The following CPA6 variants were observed in gnomAD, a reference collection of about 807,000 sequenced individuals.
CPA6 encodes the protein carboxypeptidase A6, also known as carboxypeptidase B.
CPA6 carries 58 observed loss-of-function variants against 63.3 expected under a neutral mutation model. That is an observed-to-expected ratio of 0.92 (90% CI 0.74 to 1.14). CPA6 has a LOEUF of 1.14. CPA6 is among the 50% of genes most tolerant of loss of function. CPA6 has a pLI of 0.00. For missense variants in CPA6, 565 were observed against 526.6 expected (o/e 1.07, Z -0.71); for synonymous variants, 185 against 179.0 (o/e 1.03, Z -0.27).
intron 2 of CPA6, among the ~76,000 whole-genome samples, chr8:67,621,263 T>G (rs1284174897): frequency 1.3e-5 from 2 of 152,240 alleles, no homozygotes; most frequent in Non-Finnish European, 2.9e-5. Context: ...TGTATCCTTT[T>G]GCTGTGACCG....
intron 1 of CPA6, among the ~76,000 whole-genome samples, chr8:67,648,752 T>G (rs1364913274): frequency 6.6e-6 from 1 of 152,210 alleles, no homozygotes; most frequent in African/African-American, 2.4e-5. Flanking sequence ...CAGAAAGCTG[T>G]GGAAAAGTTC....
intron 1 of CPA6, among the ~76,000 whole-genome samples, chr8:67,728,438 T>C (rs1817644961): frequency 6.6e-6 from 1 of 152,200 alleles, no homozygotes; most frequent in Admixed American, 6.5e-5. Context: ...TTAAAAATTA[T>C]TTATAGACAT....
intron 2 of CPA6, among the ~76,000 whole-genome samples, chr8:67,522,673 C>A (rs141801602): frequency 6.6e-6 from 1 of 152,210 alleles, no homozygotes; most frequent in Non-Finnish European, 1.5e-5. Flanking sequence ...ACTCCCTGGG[C>A]GAGAGCTCTA....
intron 2 of CPA6, among the ~76,000 whole-genome samples, chr8:67,553,797 T>C (rs1813002000): frequency 6.6e-6 from 1 of 152,328 alleles, no homozygotes; most frequent in South Asian, 2.1e-4. Flanking sequence ...ATGAATGACT[T>C]GGTCTTAAAA....
chr8:67,622,080 G>A (rs553385767), intron 2 of CPA6, among the ~76,000 whole-genome samples: 23 of 152,296 alleles, frequency 1.5e-4, no homozygotes, highest in Non-Finnish European at 2.8e-4. Flanking sequence ...AAATATAACA[G>A]TGCAAGTTCA....
chr8:67,612,248 G>A (rs1814827206), intron 2 of CPA6, among the ~76,000 whole-genome samples: 1 of 152,122 alleles, frequency 6.6e-6, no homozygotes, highest in South Asian at 2.1e-4. Context: ...CTTCCCACCT[G>A]TTCTCTCCTT....
At position 67,638,911 on chromosome 8, in the gene CPA6, C is replaced by G. The variant is rs570341776; in HGVS notation, c.117-14660G>C. Among the ~76,000 whole-genome samples, 31 of 151,128 alleles carry G rather than the reference C, an allele frequency of 2.1e-4. No individual in the cohort carries two copies. The South Asian group carries it at 6.2e-3, about 30-fold the overall frequency. ...CTGGGGGACCTTAGCCTGTGATGTG[C>G]CCTGCCCCTAGGGTCCCAAAACAAA... On this transcript the variant is annotated intron_variant, in intron 1 of 10. Transcript: ENST00000297770.
intron 8 of CPA6, among the ~76,000 whole-genome samples, chr8:67,437,287 C>T (rs1025089223): frequency 6.6e-5 from 10 of 152,108 alleles, no homozygotes; most frequent in Admixed American, 5.9e-4. Context: ...CCCAGCTACT[C>T]GGTAAGCTGA....
At chr8:67,625,746 A>C (rs1369453790) in intron 1 of CPA6, among the ~76,000 whole-genome samples, 1 of 152,236 alleles carries the variant, frequency 6.6e-6, no homozygotes, top group Non-Finnish European at 1.5e-5. Context: ...TATTAATAGA[A>C]TATAAAGCAG....
chr8:67,575,611 G>A (rs967786424), intron 2 of CPA6, among the ~76,000 whole-genome samples: 1 of 152,082 alleles, frequency 6.6e-6, no homozygotes, highest in Non-Finnish European at 1.5e-5. Flanking sequence ...AATCCCAGCA[G>A]TTTGGGAGGC....
intron 8 of CPA6, among the ~76,000 whole-genome samples, chr8:67,436,052 T>C (rs1810145131): frequency 6.6e-6 from 1 of 151,438 alleles, no homozygotes; most frequent in South Asian, 2.1e-4. Flanking sequence ...CTCCCAGAAT[T>C]AGCCAGCTTG....
At chr8:67,497,427 T>C (rs1381899235) in intron 6 of CPA6, among the ~76,000 whole-genome samples, 4 of 152,224 alleles carry the variant, frequency 2.6e-5, no homozygotes, top group African/African-American at 4.8e-5. Context: ...TGTATCTTAA[T>C]ACCTTCCTTC....
At chr8:67,690,509 C>T (rs1399206611) in intron 1 of CPA6, among the ~76,000 whole-genome samples, 1 of 152,120 alleles carries the variant, frequency 6.6e-6, no homozygotes, top group Non-Finnish European at 1.5e-5. Context: ...AGTGCTTGTT[C>T]TAAGGTATGT....
intron 2 of CPA6, among the ~76,000 whole-genome samples, chr8:67,531,819 A>C (rs1812483213): frequency 6.6e-6 from 1 of 152,200 alleles, no homozygotes; most frequent in Admixed American, 6.5e-5. Flanking sequence ...CGAGGTTACA[A>C]AACAAGCTTC....
intron 2 of CPA6, among the ~76,000 whole-genome samples, chr8:67,580,125 G>A (rs1461244296): frequency 6.6e-6 from 1 of 152,164 alleles, no homozygotes; most frequent in South Asian, 2.1e-4. Context: ...AATACAAAGG[G>A]AAGAAAAACT....
At chr8:67,645,936 A>G (rs1815704051) in intron 1 of CPA6, among the ~76,000 whole-genome samples, 1 of 152,116 alleles carries the variant, frequency 6.6e-6, no homozygotes. Context: ...TGTGATGCCT[A>G]CCTGACCTAG....
chr8:67,691,807 G>C (rs10112476), intron 1 of CPA6, among the ~76,000 whole-genome samples: 71,336 of 151,960 alleles, frequency 0.47, 19,907 homozygotes, highest in African/African-American at 0.79. Flanking sequence ...TAATGAAGTA[G>C]TATATTAGTA....
At chr8:67,489,102 TTTTTTTTC>T (rs932946266) in intron 6 of CPA6, among the ~76,000 whole-genome samples, 3 of 149,942 alleles carry the variant, frequency 2.0e-5, no homozygotes, top group East Asian at 1.9e-4. Context: ...AATAGGAGTG[TTTTTTTTC>T]TTTTTTTCTT....
At chr8:67,588,595 T>C (rs945953462) in intron 2 of CPA6, among the ~76,000 whole-genome samples, 3 of 152,216 alleles carry the variant, frequency 2.0e-5, no homozygotes, top group African/African-American at 7.2e-5. Context: ...AGAAATTCTA[T>C]AGCCCTTCCA....
Sources: gnomAD v4.1 joint callset for allele counts (sites outside exome capture counted in the v4.1 genomes callset) on GRCh38, gnomAD v4.1.1 for gene constraint, MANE v1.5 for transcripts, NCBI Gene and HGNC (gene_info 2026-07-23, HGNC 2026-07-21) for gene names.